The following CAMKMT variants were observed in gnomAD, a reference collection of about 807,000 sequenced individuals.
CAMKMT encodes the protein CaM KMT.
A neutral mutation model predicts 48.0 loss-of-function variants in CAMKMT; 53 were observed. The ratio of observed to expected loss-of-function variants is 1.10; its 90% confidence interval spans 0.89 to 1.39. The LOEUF (loss-of-function observed/expected upper bound fraction) is 1.39. Ranked by LOEUF, CAMKMT falls within the 40% of genes most tolerant of loss-of-function variation. The probability of loss-of-function intolerance (pLI) is 0.00; values close to 1 mark genes in which losing one functional copy is unlikely to be tolerated. For missense variants in CAMKMT, 428 were observed against 402.7 expected (o/e 1.06, Z -0.54); for synonymous variants, 165 against 152.3 (o/e 1.08, Z -0.61).
chr2:44,587,690 G>A (rs1192143848), intron 3 of CAMKMT, among the ~76,000 whole-genome samples: 2 of 129,154 alleles, frequency 1.5e-5, no homozygotes, highest in African/African-American at 5.8e-5. Context: ...TGTGTTGGCC[G>A]GGCTGGTCTC....
chr2:44,373,521 A>C (rs1395092283), intron 2 of CAMKMT, among the ~76,000 whole-genome samples: 3 of 152,212 alleles, frequency 2.0e-5, no homozygotes, highest in Non-Finnish European at 4.4e-5. Context: ...TTGATTTTAT[A>C]AAATCTGCCT....
chr2:44,412,334 GT>G (rs2104481447), intron 3 of CAMKMT, among the ~76,000 whole-genome samples: 1 of 151,938 alleles, frequency 6.6e-6, no homozygotes, highest in African/African-American at 2.4e-5. Context: ...AGTTTTTTTT[GT>G]TTGTTTGTTT....
Position 44,682,553 on chromosome 2 carries a change from C to T in CAMKMT, c.377-21730C>T, listed in dbSNP as rs796167178. 5.7e-4 allele frequency among the ~76,000 whole-genome samples: 87 copies of T among 152,252 alleles called. 1 individual carries two copies. The highest frequency in any genetic ancestry group is 2.0e-3 in the African/African-American group (81 of 41,532). The stretch of plus-strand genomic sequence containing the variant: ...CCAACCAATCATCTCTTCAGCTTAG[C>T]ATATATCCTAAGGTTTGATATATCT... On this transcript the variant is annotated intron_variant, in intron 3 of 10. Coordinates refer to ENST00000378494, the MANE Select transcript of CAMKMT (RefSeq NM_024766.5).
At chr2:44,682,275 C>G (rs767208350) in intron 3 of CAMKMT, among the ~76,000 whole-genome samples, 138 of 152,198 alleles carry the variant, frequency 9.1e-4, no homozygotes, top group Non-Finnish European at 1.5e-3. Flanking sequence ...TACATATCAA[C>G]TTTTCCTAGT....
At chr2:44,384,608 A>G (rs1367685705) in intron 2 of CAMKMT, among the ~76,000 whole-genome samples, 1 of 145,502 alleles carries the variant, frequency 6.9e-6, no homozygotes, top group African/African-American at 2.5e-5. Flanking sequence ...TAGAATTTTG[A>G]TAGTTTCAGG....
rs150983021 is a variant in CAMKMT at position 44,489,952 on chromosome 2, T to C, written c.376+99647T>C. 3.1e-4 allele frequency among the ~76,000 whole-genome samples: 47 copies of C among 152,238 alleles called. No individual in the cohort carries two copies. In the East Asian group the frequency reaches 7.7e-3, roughly 25 times the overall value. On this transcript the variant is annotated intron_variant, in intron 3 of 10. Transcript: ENST00000378494. ...ATGCAATATACCCATGTAATAAACC[T>C]GCACATGTACTTGCTGAATCTAATG...
chr2:44,393,037 A>C (rs1328607478), intron 3 of CAMKMT, among the ~76,000 whole-genome samples: 1 of 152,026 alleles, frequency 6.6e-6, no homozygotes, highest in Non-Finnish European at 1.5e-5. Flanking sequence ...GTGTAGATAC[A>C]GTAAAAAAAG....
chr2:44,444,677 C>A (rs894727977), intron 3 of CAMKMT, among the ~76,000 whole-genome samples: 1 of 152,274 alleles, frequency 6.6e-6, no homozygotes, highest in African/African-American at 2.4e-5. Flanking sequence ...TATTCTAGTT[C>A]TTTCAGAGCA....
intron 3 of CAMKMT, among the ~76,000 whole-genome samples, chr2:44,469,628 AT>A (rs1451572192): frequency 6.6e-6 from 1 of 151,610 alleles, no homozygotes; most frequent in African/African-American, 2.4e-5. Flanking sequence ...TTCTTTCCAA[AT>A]TTTTTATTGT....
At chr2:44,659,075 GTTT>G (rs1192483405) in intron 3 of CAMKMT, among the ~76,000 whole-genome samples, 1,382 of 86,292 alleles carry the variant, frequency 0.016, 25 homozygotes, top group African/African-American at 0.061. Flanking sequence ...TGTGTGTGTA[GTTT>G]TTTTTTTTTT....
intron 3 of CAMKMT, among the ~76,000 whole-genome samples, chr2:44,673,366 G>T (rs1367192041): frequency 2.7e-5 from 4 of 150,924 alleles, no homozygotes; most frequent in Non-Finnish European, 5.9e-5. Context: ...GGTCAAGGCT[G>T]CAGTAAGCCA....
chr2:44,628,692 C>T (rs4953121), intron 3 of CAMKMT, among the ~76,000 whole-genome samples: 10,108 of 152,044 alleles, frequency 0.066, 544 homozygotes, highest in Admixed American at 0.18. Flanking sequence ...GTAAGCCCTA[C>T]TCTTCCAACA....
At chr2:44,767,583 A>G (rs1253290411) in intron 10 of CAMKMT, among the ~76,000 whole-genome samples, 1 of 152,144 alleles carries the variant, frequency 6.6e-6, no homozygotes, top group African/African-American at 2.4e-5. Flanking sequence ...CCTCTGGGGG[A>G]AAAATGGTGC....
chr2:44,485,910 G>T (rs1201765694), intron 3 of CAMKMT, among the ~76,000 whole-genome samples: 1 of 152,184 alleles, frequency 6.6e-6, no homozygotes, highest in East Asian at 1.9e-4. Flanking sequence ...CTTCAGGAGT[G>T]CTACTAATAT....
chr2:44,362,230 C>G (rs2104311707), intron 1 of CAMKMT, 85 bp downstream of exon 1: 3 of 1,212,686 alleles, frequency 2.5e-6, no homozygotes, highest in South Asian at 3.4e-5. Flanking sequence ...CAGTTCTTTC[C>G]TCTTGGCAGC....
intron 3 of CAMKMT, among the ~76,000 whole-genome samples, chr2:44,595,893 C>T (rs1019838755): frequency 4.0e-5 from 6 of 151,100 alleles, no homozygotes; most frequent in African/African-American, 1.2e-4. Flanking sequence ...AAGAGAAAAC[C>T]AAACACTGCA....
chr2:44,686,487 G>A (rs758172926), intron 3 of CAMKMT, among the ~76,000 whole-genome samples: 1 of 151,910 alleles, frequency 6.6e-6, no homozygotes, highest in East Asian at 1.9e-4. Flanking sequence ...TCTTAATTTC[G>A]AGAAGTATAA....
chr2:44,761,512 C>T (rs1053665455), intron 9 of CAMKMT, among the ~76,000 whole-genome samples: 3 of 152,204 alleles, frequency 2.0e-5, no homozygotes, highest in Non-Finnish European at 2.9e-5. Context: ...AATTACAAAA[C>T]AGATAAAAAT....
chr2:44,530,550 C>T, intron 3 of CAMKMT, among the ~76,000 whole-genome samples: 1 of 152,144 alleles, frequency 6.6e-6, no homozygotes, highest in African/African-American at 2.4e-5. Flanking sequence ...CCTAACAGCA[C>T]TGTACTTTGT....
Sources: gnomAD v4.1 joint callset for allele counts (sites outside exome capture counted in the v4.1 genomes callset) on GRCh38, gnomAD v4.1.1 for gene constraint, MANE v1.5 for transcripts, NCBI Gene and HGNC (gene_info 2026-07-23, HGNC 2026-07-21) for gene names.